KDSR: variants seen among roughly 807,000 people sequenced by gnomAD.
KDSR encodes the protein 3-ketodihydrosphingosine reductase.
In KDSR, 23 loss-of-function variants were observed where a neutral mutation model predicts 41.3. The ratio of observed to expected loss-of-function variants is 0.56; its 90% CI spans 0.40 to 0.79. The LOEUF is 0.79. Among genes scored for constraint, KDSR ranks in the 30% least tolerant of loss-of-function variants. KDSR has a pLI of 0.00. For missense variants in KDSR, 351 were observed against 416.8 expected (o/e 0.84, Z 1.37); for synonymous variants, 138 against 151.7 (o/e 0.91, Z 0.66).
intron 8 of KDSR, among the ~76,000 whole-genome samples, chr18:63,336,955 A>G (rs1448800408): frequency 2.0e-5 from 3 of 152,092 alleles, no homozygotes; most frequent in East Asian, 3.8e-4. Flanking sequence ...CCAGCTGTTA[A>G]TGCAGACCTT....
intron 8 of KDSR, 101 bp from the exon 9 acceptor site, chr18:63,335,459 G>T: frequency 1.3e-6 from 1 of 795,622 alleles, no homozygotes; most frequent in Non-Finnish European, 2.1e-6. Flanking sequence ...TTCACTTTAA[G>T]TGAGATAAAA....
rs1913980659 is a variant in KDSR, at chr18:63,331,276, GAGAGAGAGACAGAGAGAC to G, written c.*488_*505del. On this transcript the variant is annotated 3_prime_UTR_variant, in exon 10 of 10. Transcript: ENST00000645214. ...ATACACAAAGAAAGAAAGAGAGAGAGAGAGAGAGACAGAGAGACAGAGAGACAGAGAGACAGAGAGACA... is the reference window on the plus strand; with the variant it reads ...ATACACAAAGAAAGAAAGAGAGAGAGAGAGAGACAGAGAGACAGAGAGACA... 2.5e-5 allele frequency: 4 copies of G among 160,126 alleles called. No individual in the cohort carries two copies. The highest frequency in any genetic ancestry group is 6.6e-5 in the East Asian group (1 of 15,106). The allele number at this position is 160,126 out of a possible 1,614,324, so 9.9% of individuals were successfully genotyped here.
At chr18:63,354,164 AC>A (rs1362524746) in intron 5 of KDSR, among the ~76,000 whole-genome samples, 1 of 152,154 alleles carries the variant, frequency 6.6e-6, no homozygotes, top group East Asian at 1.9e-4. Flanking sequence ...GTCTGTCTAG[AC>A]GGCGCACACG....
At position 63,331,790 on chromosome 18, in the gene KDSR, T is replaced by C; in HGVS notation, c.991A>G (p.Thr331Ala). The change falls in exon 10 of 10, where the codon ACT becomes GCT. Residue 331 changes from threonine to alanine, a missense_variant. Physicochemically the swap from Thr to Ala is moderately conservative, Grantham distance 58. Transcript: ENST00000645214. ...QREKSENADKTA is the reference protein window; with the variant it reads ...QREKSENADKAA Reference sequence around the variant, plus strand: ...TCCAAGGGGTAAGAAGATTAGGCAGTTTTGTCTGCATTTTCAGATTTTTCT... The same window carrying C: ...TCCAAGGGGTAAGAAGATTAGGCAGCTTTGTCTGCATTTTCAGATTTTTCT... The C allele has an allele frequency of 6.2e-7, 1 of 1,613,702 alleles. No homozygotes were observed. Among genetic ancestry groups the C allele is most frequent in the Non-Finnish European group, 8.5e-7 (1 of 1,179,872 alleles).
At chr18:63,356,773 C>G (rs1198858353) in intron 3 of KDSR, among the ~76,000 whole-genome samples, 1 of 152,214 alleles carries the variant, frequency 6.6e-6, no homozygotes, top group Non-Finnish European at 1.5e-5. Context: ...TGACTTCACA[C>G]CATACTCCTT....
At chr18:63,347,217 T>C (rs1241517886) in intron 6 of KDSR, among the ~76,000 whole-genome samples, 2 of 152,050 alleles carry the variant, frequency 1.3e-5, no homozygotes, top group Admixed American at 6.6e-5. Context: ...AAGAACCGAT[T>C]TGTGGGCCGG....
At chr18:63,343,523 G>A (rs1006520789) in intron 7 of KDSR, among the ~76,000 whole-genome samples, 1 of 151,550 alleles carries the variant, frequency 6.6e-6, no homozygotes, top group Non-Finnish European at 1.5e-5. Flanking sequence ...TGAGTAGCTG[G>A]AACTACAAGC....
chr18:63,331,266 A>AAGAGAGAG lies in KDSR; in HGVS notation c.*508_*515dup, dbSNP rs74169956. ...CTTGAATAAAATACACAAAGAAAGAAAGAGAGAGAGAGAGAGAGACAGAGA... is the reference window on the plus strand; with the variant it reads ...CTTGAATAAAATACACAAAGAAAGAAAGAGAGAGAGAGAGAGAGAGAGAGAGACAGAGA... On this transcript the variant is annotated 3_prime_UTR_variant, in exon 10 of 10. Coordinates refer to ENST00000645214, the MANE Select transcript of KDSR (RefSeq NM_002035.4). 2.5e-3 allele frequency: 400 copies of AAGAGAGAG among 163,068 alleles called. 1 individual carries two copies. Among genetic ancestry groups the AAGAGAGAG allele is most frequent in the African/African-American group, 0.01 (380 of 37,636 alleles). 10.1% of individuals were successfully genotyped at this position (163,068 alleles called of 1,614,324 possible). A position where few individuals can be genotyped will look rare whatever the true frequency, so the allele number is the denominator to read the frequency against.
chr18:63,354,747 G>A (rs148625813), intron 5 of KDSR, among the ~76,000 whole-genome samples: 152 of 152,258 alleles, frequency 1.0e-3, no homozygotes, highest in African/African-American at 3.5e-3. Context: ...AAGTTCCTTG[G>A]TAAACCTGAT....
intron 3 of KDSR, among the ~76,000 whole-genome samples, chr18:63,356,863 C>T (rs1388741768): frequency 6.6e-6 from 1 of 152,134 alleles, no homozygotes; most frequent in Non-Finnish European, 1.5e-5. Flanking sequence ...TTGTGGGCTT[C>T]AGAGAAGGGG....
At chr18:63,366,010 G>C (rs1915125797) in intron 1 of KDSR, 1 of 152,224 alleles carries the variant, frequency 6.6e-6, no homozygotes. Context: ...CTCCGGTGCA[G>C]AGATAGGACA....
At chr18:63,344,733 G>T in intron 6 of KDSR, 1 of 411,488 alleles carries the variant, frequency 2.4e-6, no homozygotes. Context: ...AGTATGGCAA[G>T]TCACCTCCTT....
intron 3 of KDSR, among the ~76,000 whole-genome samples, chr18:63,355,886 C>T (rs1431584142): frequency 6.6e-6 from 1 of 152,112 alleles, no homozygotes; most frequent in East Asian, 1.9e-4. Flanking sequence ...CAGGCCAACC[C>T]TAGGGAGTGA....
intron 6 of KDSR, among the ~76,000 whole-genome samples, chr18:63,349,921 A>G (rs1599331134): frequency 6.6e-6 from 1 of 152,260 alleles, no homozygotes; most frequent in East Asian, 1.9e-4. Context: ...AAAACCTAAC[A>G]TATATACTGT....
At position 63,330,412 on chromosome 18, in the gene KDSR, T is replaced by C. The variant is rs780666682; in HGVS notation, c.*1370A>G. On this transcript the variant is annotated 3_prime_UTR_variant, in exon 10 of 10. Coordinates refer to ENST00000645214, the MANE Select transcript of KDSR (RefSeq NM_002035.4). ...AATGAGCAGGATGCAACGGGGAATG[T>C]TGGCTAAAACTCATCAGAGGCACTT... 11 of 229,186 alleles carry C rather than the reference T, an allele frequency of 4.8e-5. No homozygotes were observed. The highest frequency in any genetic ancestry group is 7.8e-5 in the Non-Finnish European group (9 of 115,638). The allele number at this position is 229,186 out of a possible 1,614,324, so 14.2% of individuals were successfully genotyped here.
intron 8 of KDSR, 100 bp from the exon 9 acceptor site, chr18:63,335,458 A>C: frequency 1.3e-6 from 1 of 795,988 alleles, no homozygotes; most frequent in East Asian, 2.5e-5. Context: ...GTTCACTTTA[A>C]GTGAGATAAA....
chr18:63,353,075 G>C (rs1443475462), intron 5 of KDSR, among the ~76,000 whole-genome samples: 1 of 151,924 alleles, frequency 6.6e-6, no homozygotes, highest in Non-Finnish European at 1.5e-5. Context: ...CAGCTACTCG[G>C]GAGGCTGAGG....
At position 63,330,324 on chromosome 18, in the gene KDSR, C is replaced by G. The variant is rs756714765; in HGVS notation, c.*1458G>C. On this transcript the variant is annotated 3_prime_UTR_variant, in exon 10 of 10. Transcript: ENST00000645214. The stretch of plus-strand genomic sequence containing the variant: ...GATCTGGAATGTGCTACCGTATATG[C>G]AAGGAAGACAGGTTACAAGATCAAG... The G allele has an allele frequency of 4.5e-6, 1 of 222,576 alleles. No individual in the cohort carries two copies. 13.8% of individuals were successfully genotyped at this position (222,576 alleles called of 1,614,324 possible).
At chr18:63,345,566 T>C (rs749382176) in intron 6 of KDSR, 1 of 152,226 alleles carries the variant, frequency 6.6e-6, no homozygotes, top group Non-Finnish European at 1.5e-5. Context: ...AGGCAGCTGA[T>C]AGATCAGCCA....
Sources: gnomAD v4.1 joint callset for allele counts (sites outside exome capture counted in the v4.1 genomes callset) on GRCh38, gnomAD v4.1.1 for gene constraint, MANE v1.5 for transcripts, NCBI Gene and HGNC (gene_info 2026-07-23, HGNC 2026-07-21) for gene names.